Variants in PFKM observed in about 807,000 individuals in gnomAD.
The protein encoded by PFKM is phosphofructokinase, muscle.
A neutral mutation model predicts 95.5 loss-of-function variants in PFKM; 58 were observed. The ratio of observed to expected loss-of-function variants is 0.61; its 90% CI spans 0.49 to 0.76. The LOEUF (loss-of-function observed/expected upper bound fraction) is 0.76, where lower values mean the gene tolerates loss of function less well. PFKM is among the 30% of genes least tolerant of loss of function. The pLI is 0.00. For synonymous variants in PFKM, 336 were observed against 357.2 expected, an observed-to-expected ratio of 0.94 and a Z score of 0.67; for missense variants, 678 against 1,005.4, an observed-to-expected ratio of 0.67 and a Z score of 4.40.
chr12:48,134,610 A>C (rs1342581464), intron 7 of PFKM, 111 bp from the exon 8 acceptor site: 1 of 847,810 alleles, frequency 1.2e-6, no homozygotes, highest in East Asian at 2.6e-5. Flanking sequence ...AATAAAATGG[A>C]GGCTCTCCAG....
chr12:48,141,832 G>C lies in PFKM; in HGVS notation c.1500+5G>C. On this transcript the variant is annotated splice_donor_5th_base_variant and intron_variant, in intron 16 of 22. Transcript: ENST00000359794. ...GTCATCATTGGGGGCTTTGAGGTGA[G>C]TGCCTGCCACCATTTCTTCCTCTCT... 1 of 1,613,314 alleles carries C rather than the reference G, an allele frequency of 6.2e-7. No homozygotes were observed. The highest frequency in any genetic ancestry group is 8.5e-7 in the Non-Finnish European group (1 of 1,179,290).
chr12:48,105,651 C>T, upstream of PFKM: 1 of 428,582 alleles, frequency 2.3e-6, no homozygotes, highest in South Asian at 1.9e-5. Context: ...CCGGTGAAAA[C>T]AGCTCTCCCC....
chr12:48,144,282 A>G, intron 20 of PFKM, 125 bp downstream of exon 20: 1 of 731,464 alleles, frequency 1.4e-6, no homozygotes, highest in Non-Finnish European at 2.5e-6. Context: ...TGTCAGTGCC[A>G]TCATAGAGCA....
In PFKM at chr12:48,145,908, C is replaced by T; in HGVS notation, c.*200C>T. 1.7e-6 allele frequency: 1 copy of T among 597,208 alleles called. No individual in the cohort carries two copies. The highest frequency in any genetic ancestry group is 3.0e-6 in the Non-Finnish European group (1 of 335,710). The allele number at this position is 597,208 out of a possible 1,614,324, so 37.0% of individuals were successfully genotyped here. A position where few individuals can be genotyped will look rare whatever the true frequency, so the allele number is the denominator to read the frequency against. On this transcript the variant is annotated 3_prime_UTR_variant, in exon 23 of 23. Coordinates refer to ENST00000359794, the MANE Select transcript of PFKM (RefSeq NM_000289.6). The surrounding 1 kb of genome is among the most constrained non-coding windows in gnomAD (Gnocchi z 4.3). ...TCCTTTTAGGTAGAATTTAACATGACTTCTGCCCCAGCTTTATCTGTCACA... is the reference window on the plus strand; with the variant it reads ...TCCTTTTAGGTAGAATTTAACATGATTTCTGCCCCAGCTTTATCTGTCACA...
intron 1 of PFKM, 36 bp downstream of exon 1, chr12:48,119,442 A>G (rs1947966020): frequency 1.0e-6 from 1 of 983,648 alleles, no homozygotes; most frequent in Non-Finnish European, 1.2e-6. Flanking sequence ...CAAGGGGGAG[A>G]GCTGGGAGTG....
chr12:48,128,226 A>G (rs1949050683), intron 2 of PFKM, among the ~76,000 whole-genome samples: 1 of 152,004 alleles, frequency 6.6e-6, no homozygotes, highest in Non-Finnish European at 1.5e-5. Flanking sequence ...TGGCAGGCTT[A>G]GATACTCTTT....
intron 1 of PFKM, chr12:48,122,560 C>A: frequency 7.1e-7 from 1 of 1,408,216 alleles, no homozygotes; most frequent in Non-Finnish European, 9.2e-7. Flanking sequence ...TAGTCTTGGG[C>A]TTGATTACAT....
intron 19 of PFKM, 27 bp from the exon 20 acceptor site, chr12:48,144,019 C>A: frequency 1.3e-6 from 2 of 1,500,370 alleles, no homozygotes; most frequent in South Asian, 2.3e-5. Flanking sequence ...ACCACAGAGT[C>A]ACAGGCTTTT....
chr12:48,115,003 TTAAAG>T (rs1947544601), upstream of PFKM, among the ~76,000 whole-genome samples: 1 of 151,946 alleles, frequency 6.6e-6, no homozygotes, highest in Non-Finnish European at 1.5e-5. Flanking sequence ...GGAGGCAAGT[TTAAAG>T]AGAAGAGTAG....
In PFKM at chr12:48,107,460, C is replaced by A. The variant is rs765341154; in HGVS notation, c.82+5C>A. The A allele has an allele frequency of 1.9e-6, 3 of 1,564,440 alleles. No homozygotes were observed. In the South Asian group the frequency reaches 3.3e-5, roughly 17 times the overall value. On this transcript the variant is annotated splice_donor_5th_base_variant and intron_variant, in intron 2 of 24. Coordinates refer to the PFKM transcript ENST00000340802. ...TCAGGACTCCTCAGAGAACAGGTAC[C>A]CTTGTCTCCTGATCATACTCCAGTG...
intron 8 of PFKM, 28 bp downstream of exon 8, chr12:48,134,857 A>T (rs1949913312): frequency 6.3e-7 from 1 of 1,599,820 alleles, no homozygotes; most frequent in Admixed American, 1.7e-5. Context: ...TGCCCTTAAG[A>T]AATCCCTCAC....
chr12:48,121,179 T>C lies in PFKM; in HGVS notation c.-8-1588T>C, dbSNP rs542073578. 7.6e-4 allele frequency among the ~76,000 whole-genome samples: 116 copies of C among 152,324 alleles called. 1 individual carries two copies. Among genetic ancestry groups the C allele is most frequent in the Middle Eastern group, 3.4e-3 (1 of 294 alleles). ...TGAAGGTTTAATAAGGGTACAACTA[T>C]CACTGGTCTTAAATGATGGAATGGG... On this transcript the variant is annotated intron_variant, in intron 1 of 22. Coordinates refer to ENST00000359794, the MANE Select transcript of PFKM (RefSeq NM_000289.6).
Position 48,132,898 on chromosome 12 carries a change from A to G in PFKM, c.268A>G (p.Lys90Glu), listed in dbSNP as rs1949665487. Residue 90 changes from lysine to glutamate, a missense_variant, in exon 5 of 23, where the codon AAG becomes GAG. Physicochemically the swap from Lys to Glu is moderately conservative, Grantham distance 56. Coordinates refer to ENST00000359794, the MANE Select transcript of PFKM (RefSeq NM_000289.6). ...CACGGTGATTGGAAGTGCCCGGTGC[A>G]AGGACTTTCGGGAACGAGAAGGACG... Reference protein sequence around the residue: ...GGTVIGSARCKDFREREGRLR... With the variant: ...GGTVIGSARCEDFREREGRLR... 1.9e-6 allele frequency: 3 copies of G among 1,613,962 alleles called. No homozygotes were observed. The highest frequency in any genetic ancestry group is 2.5e-6 in the Non-Finnish European group (3 of 1,179,936).
At chr12:48,124,298 C>G (rs1229406080) in intron 2 of PFKM, among the ~76,000 whole-genome samples, 2 of 152,192 alleles carry the variant, frequency 1.3e-5, no homozygotes, top group Non-Finnish European at 2.9e-5. Flanking sequence ...AACCACAGAT[C>G]TGGCTTTTAT....
At chr12:48,115,712 C>T (rs180741348), upstream of PFKM, among the ~76,000 whole-genome samples, 1 of 152,288 alleles carries the variant, frequency 6.6e-6, no homozygotes, top group Non-Finnish European at 1.5e-5. Context: ...TCAGGATCTC[C>T]TGAGGGCTGT....
Position 48,142,069 on chromosome 12 carries a change from G to T in PFKM, c.1653+3G>T. On this transcript the variant is annotated splice_donor_region_variant and intron_variant, in intron 17 of 22. Transcript: ENST00000359794. ...CAGCACTCAATACTATCTGCACAGT[G>T]AGAGCCTATCACCACTTCCCATCCC... 6.2e-7 allele frequency: 1 copy of T among 1,614,038 alleles called. No homozygotes were observed. The highest frequency in any genetic ancestry group is 8.5e-7 in the Non-Finnish European group (1 of 1,179,864).
chr12:48,108,417 A>G (rs1001951799), intron 3 of PFKM, among the ~76,000 whole-genome samples: 2 of 152,140 alleles, frequency 1.3e-5, no homozygotes, highest in African/African-American at 4.8e-5. Flanking sequence ...GGGATGGATC[A>G]TCTGGGAAAT....
upstream of PFKM, chr12:48,105,356 G>A (rs2137430809): frequency 1.9e-6 from 1 of 518,632 alleles, no homozygotes; most frequent in South Asian, 1.4e-5. Flanking sequence ...TAGATCCAGA[G>A]ATCACGTTAG....
intron 3 of PFKM, among the ~76,000 whole-genome samples, chr12:48,111,453 G>T (rs1202396656): frequency 6.6e-6 from 1 of 152,204 alleles, no homozygotes; most frequent in Non-Finnish European, 1.5e-5. Flanking sequence ...ACAGCATGGT[G>T]GTGCAGGATA....
Sources: gnomAD v4.1 joint callset for allele counts (sites outside exome capture counted in the v4.1 genomes callset) on GRCh38, gnomAD v4.1.1 for gene constraint, Gnocchi (gnomAD v3.1) non-coding constraint, MANE v1.5 for transcripts, NCBI Gene and HGNC (gene_info 2026-07-23, HGNC 2026-07-21) for gene names.